The following SV2B variants were observed in gnomAD, a reference collection of about 807,000 sequenced individuals.
SV2B encodes synaptic vesicle glycoprotein 2B, also known as solute carrier family 22 member B2.
Under a neutral mutation model 73.9 loss-of-function variants are expected in SV2B, and 41 were observed. That is an observed-to-expected ratio of 0.56 (90% CI 0.43 to 0.72). The LOEUF is 0.72. SV2B is among the 30% of genes least tolerant of loss of function. SV2B has a pLI of 0.00. For missense variants in SV2B, 764 were observed against 857.8 expected (o/e 0.89, Z 1.37); for synonymous variants, 314 against 314.2 (o/e 1.00, Z 0.01).
chr15:91,196,964 C>G (rs2045267387), intron 1 of SV2B, among the ~76,000 whole-genome samples: 1 of 152,202 alleles, frequency 6.6e-6, no homozygotes, highest in African/African-American at 2.4e-5. Context: ...AGACACTTCA[C>G]AAACAGCACT....
Position 91,141,829 on chromosome 15 carries a change from G to A in SV2B, c.-392+41466G>A, listed in dbSNP as rs556402861. 2.6e-5 allele frequency among the ~76,000 whole-genome samples: 4 copies of A among 151,896 alleles called. No homozygotes were observed. In the East Asian group the frequency reaches 7.8e-4, roughly 29 times the overall value. On this transcript the variant is annotated intron_variant, in intron 1 of 12. Coordinates refer to ENST00000394232, the MANE Select transcript of SV2B (RefSeq NM_001323032.3). This position sits in a 1 kb window ranked among gnomAD's most constrained non-coding sequence, Gnocchi z 4.6. ...ACAGAAAGTTACATTCAGAGAGTTAGATGCTGTACCTGAAAGGGTGTATGT... is the reference window on the plus strand; with the variant it reads ...ACAGAAAGTTACATTCAGAGAGTTAAATGCTGTACCTGAAAGGGTGTATGT...
At chr15:91,208,905 G>A (rs557449124) in intron 1 of SV2B, among the ~76,000 whole-genome samples, 7 of 152,216 alleles carry the variant, frequency 4.6e-5, no homozygotes, top group Admixed American at 2.6e-4. Flanking sequence ...AATGGATTAC[G>A]TGGGTTTCCA....
At chr15:91,213,108 G>A (rs1474543509) in intron 1 of SV2B, among the ~76,000 whole-genome samples, 2 of 151,988 alleles carry the variant, frequency 1.3e-5, no homozygotes, top group Non-Finnish European at 2.9e-5. Flanking sequence ...AACTGAGATC[G>A]TGCCACTGCA....
chr15:91,120,621 C>G (rs575350554), intron 1 of SV2B, among the ~76,000 whole-genome samples: 3 of 151,914 alleles, frequency 2.0e-5, no homozygotes, highest in Non-Finnish European at 2.9e-5. Context: ...GGAAACCAGC[C>G]TGGGCAACAG....
At chr15:91,199,099 A>T (rs1466710699) in intron 1 of SV2B, among the ~76,000 whole-genome samples, 1 of 152,176 alleles carries the variant, frequency 6.6e-6, no homozygotes, top group Non-Finnish European at 1.5e-5. Flanking sequence ...TCCTGGACTC[A>T]AGCAATCCTC....
In SV2B at chr15:91,232,995, A is replaced by G. The variant is rs1446824490; in HGVS notation, c.451+6281A>G. 6.6e-6 allele frequency among the ~76,000 whole-genome samples: 1 copy of G among 152,230 alleles called. No homozygotes were observed. The highest frequency in any genetic ancestry group is 1.9e-4 in the East Asian group (1 of 5,202). ...CTCCTGCATTAATTTGCTTAGAATT[A>G]TGGCCTCCAGTTGCATCCATGTTGT... On this transcript the variant is annotated intron_variant, in intron 2 of 12. Transcript: ENST00000394232. The surrounding 1 kb of genome is among the most constrained non-coding windows in gnomAD (Gnocchi z 4.7).
chr15:91,290,623 T>C lies in SV2B; in HGVS notation c.1868+943T>C, dbSNP rs573371513. Among the ~76,000 whole-genome samples the C allele has an allele frequency of 2.6e-4, 40 of 152,252 alleles. No homozygotes were observed. Among genetic ancestry groups the C allele is most frequent in the African/African-American group, 7.7e-4 (32 of 41,552 alleles). On this transcript the variant is annotated intron_variant, in intron 12 of 12. Coordinates refer to ENST00000394232, the MANE Select transcript of SV2B (RefSeq NM_001323032.3). The surrounding 1 kb of genome is among the most constrained non-coding windows in gnomAD (Gnocchi z 4.7). Reference sequence around the variant, plus strand: ...GAAAAAGTTAAAGATGCAATTGATATCCATTTAATAATGGCAGACGTCATA... The same window carrying C: ...GAAAAAGTTAAAGATGCAATTGATACCCATTTAATAATGGCAGACGTCATA...
rs10637206 is a variant in SV2B, at chr15:91,134,004, C to CTTTTTTTTTTTTTTTTTTT, written c.-392+33653_-392+33654insTTTTTTTTTTTTTTTTTTT. Among the ~76,000 whole-genome samples, 88 of 106,200 alleles carry CTTTTTTTTTTTTTTTTTTT rather than the reference C, an allele frequency of 8.3e-4. 5 individuals are homozygous for CTTTTTTTTTTTTTTTTTTT. Among genetic ancestry groups the CTTTTTTTTTTTTTTTTTTT allele is most frequent in the African/African-American group, 1.1e-3 (27 of 25,126 alleles). The allele number at this position is 106,200 out of a possible 152,430, so 69.7% of individuals were successfully genotyped here. On this transcript the variant is annotated intron_variant, in intron 1 of 12. Coordinates refer to ENST00000394232, the MANE Select transcript of SV2B (RefSeq NM_001323032.3). ...TGCCTCTTCACCACTTTCTTTCTTC[C>CTTTTTTTTTTTTTTTTTTT]TTTTTTTTTTTTGAGATGGAGTCTT...
chr15:91,141,239 T>C lies in SV2B; in HGVS notation c.-392+40876T>C, dbSNP rs1157492450. On this transcript the variant is annotated intron_variant, in intron 1 of 12. Transcript: ENST00000394232. The surrounding 1 kb of genome is among the most constrained non-coding windows in gnomAD (Gnocchi z 4.6). The stretch of plus-strand genomic sequence containing the variant: ...GGCAGGGTTCTTAGGGGATTTCTGA[T>C]GTACAGCTTGAGTTGGGAACTGCCG... Among the ~76,000 whole-genome samples the C allele has an allele frequency of 6.6e-6, 1 of 152,200 alleles. No homozygotes were observed. Among genetic ancestry groups the C allele is most frequent in the African/African-American group, 2.4e-5 (1 of 41,456 alleles).
chr15:91,196,264 G>A (rs2045242525), intron 1 of SV2B, among the ~76,000 whole-genome samples: 1 of 152,194 alleles, frequency 6.6e-6, no homozygotes, highest in Admixed American at 6.5e-5. Context: ...AAAACAACAA[G>A]GTTCTCTGTG....
rs2046785251 is a variant in SV2B at position 91,236,458 on chromosome 15, A to G, written c.451+9744A>G. Reference sequence around the variant, plus strand: ...AGCACAACAGAAATGAATGGGAGGAATTCTTAAGTAAACTGGCATATTTAC... The same window carrying G: ...AGCACAACAGAAATGAATGGGAGGAGTTCTTAAGTAAACTGGCATATTTAC... On this transcript the variant is annotated intron_variant, in intron 2 of 12. Transcript: ENST00000394232. This position sits in a 1 kb window ranked among gnomAD's most constrained non-coding sequence, Gnocchi z 4.1. 6.6e-6 allele frequency among the ~76,000 whole-genome samples: 1 copy of G among 152,188 alleles called. No homozygotes were observed. The highest frequency in any genetic ancestry group is 2.1e-4 in the South Asian group (1 of 4,830).
intron 1 of SV2B, among the ~76,000 whole-genome samples, chr15:91,196,797 A>G (rs1197178544): frequency 2.6e-5 from 4 of 152,210 alleles, no homozygotes; most frequent in Non-Finnish European, 5.9e-5. Context: ...CAGTAAAATG[A>G]GTGATAGCCC....
Position 91,155,914 on chromosome 15 carries a change from T to C in SV2B, c.-392+55551T>C, listed in dbSNP as rs1475639681. Among the ~76,000 whole-genome samples, 6 of 152,086 alleles carry C rather than the reference T, an allele frequency of 3.9e-5. 1 individual carries two copies. Among genetic ancestry groups the C allele is most frequent in the Admixed American group, 1.3e-4 (2 of 15,252 alleles). On this transcript the variant is annotated intron_variant, in intron 1 of 12. Coordinates refer to ENST00000394232, the MANE Select transcript of SV2B (RefSeq NM_001323032.3). Reference sequence around the variant, plus strand: ...GTCCCTGAAACCCACGTGGCCACTCTGTAGACTTACATTTACCGTGACTCT... The same window carrying C: ...GTCCCTGAAACCCACGTGGCCACTCCGTAGACTTACATTTACCGTGACTCT...
chr15:91,182,406 G>GA (rs2044614855), intron 1 of SV2B, among the ~76,000 whole-genome samples: 1 of 152,202 alleles, frequency 6.6e-6, no homozygotes, highest in Non-Finnish European at 1.5e-5. Flanking sequence ...AATAACTAAA[G>GA]AAAAGGTAGC....
intron 1 of SV2B, among the ~76,000 whole-genome samples, chr15:91,171,038 G>A (rs1243314349): frequency 2.0e-5 from 3 of 152,180 alleles, no homozygotes; most frequent in African/African-American, 7.2e-5. Flanking sequence ...GGAAACTACG[G>A]CTCAGAGAGG....
intron 1 of SV2B, among the ~76,000 whole-genome samples, chr15:91,112,748 A>G (rs1289182965): frequency 6.6e-6 from 1 of 152,182 alleles, no homozygotes; most frequent in Non-Finnish European, 1.5e-5. Flanking sequence ...ATTACAGACC[A>G]TCTAGAAAAT....
Position 91,286,391 on chromosome 15 carries a change from G to A in SV2B, c.1708+2170G>A, listed in dbSNP as rs989564154. Among the ~76,000 whole-genome samples, 27 of 152,208 alleles carry A rather than the reference G, an allele frequency of 1.8e-4. 2 individuals carry two copies. The highest frequency in any genetic ancestry group is 1.1e-3 in the Admixed American group (17 of 15,294). On this transcript the variant is annotated intron_variant, in intron 11 of 12. Transcript: ENST00000394232. ...GTGCAAGTCATTTCTTGTTATCAGC[G>A]GAGTAGAAGTTTTCCTGATTAGGCT...
In SV2B at chr15:91,135,548, T is replaced by C. The variant is rs575602180; in HGVS notation, c.-392+35185T>C. ...AATTTTCTTTCATGGATGAGAAAAC[T>C]CAGGCTTGGAGGGATAAGTCACCCA... On this transcript the variant is annotated intron_variant, in intron 1 of 12. Coordinates refer to ENST00000394232, the MANE Select transcript of SV2B (RefSeq NM_001323032.3). 7.9e-5 allele frequency among the ~76,000 whole-genome samples: 12 copies of C among 152,310 alleles called. 1 individual carries two copies. The South Asian group carries it at 1.7e-3, about 21-fold the overall frequency.
intron 1 of SV2B, among the ~76,000 whole-genome samples, chr15:91,107,558 G>A (rs1018391464): frequency 6.6e-6 from 1 of 151,780 alleles, no homozygotes; most frequent in Non-Finnish European, 1.5e-5. Flanking sequence ...TTATCTGCCC[G>A]CCTTGGCCTC....
Sources: allele counts gnomAD v4.1 joint callset (sites outside exome capture counted in the v4.1 genomes callset), GRCh38; gene constraint gnomAD v4.1.1; non-coding constraint Gnocchi (gnomAD v3.1); transcripts MANE v1.5; gene names NCBI Gene and HGNC (gene_info 2026-07-23, HGNC 2026-07-21).